The following DISP3 variants were observed in gnomAD, a reference collection of about 807,000 sequenced individuals.
DISP3 encodes the protein protein dispatched homolog 3.
In DISP3, 101 loss-of-function variants were observed where a neutral mutation model predicts 135.3. That is an observed-to-expected ratio of 0.75 (90% CI 0.64 to 0.88). The LOEUF is 0.88. DISP3 is among the 40% of genes least tolerant of loss of function. The pLI, the probability that DISP3 is intolerant of heterozygous loss-of-function variation, is 0.00. For synonymous variants in DISP3, 856 were observed against 817.0 expected (o/e 1.05, Z -0.81); for missense variants, 1,713 against 1,878.6 (o/e 0.91, Z 1.63).
chr1:11,487,231 G>C (rs538325817), intron 1 of DISP3, among the ~76,000 whole-genome samples: 1 of 152,286 alleles, frequency 6.6e-6, no homozygotes, highest in East Asian at 1.9e-4. Flanking sequence ...AAGCCACCCT[G>C]GTCGGCAGCA....
At chr1:11,535,185 C>G in intron 19 of DISP3, 61 bp downstream of exon 19, 2 of 1,479,448 alleles carry the variant, frequency 1.4e-6, no homozygotes, top group Non-Finnish European at 1.8e-6. Flanking sequence ...ACAGTCTCCC[C>G]GGTGGCCCCA....
chr1:11,513,909 T>G (rs1423368538), intron 3 of DISP3, among the ~76,000 whole-genome samples: 1 of 151,892 alleles, frequency 6.6e-6, no homozygotes, highest in Non-Finnish European at 1.5e-5. Flanking sequence ...ATGTCACTTA[T>G]GTTTGTATTT....
In DISP3 at chr1:11,536,307, T is replaced by A; in HGVS notation, c.3817-17T>A. The A allele has an allele frequency of 1.3e-6, 2 of 1,589,432 alleles. No individual in the cohort carries two copies. Among genetic ancestry groups the A allele is most frequent in the Non-Finnish European group, 1.7e-6 (2 of 1,173,916 alleles). The stretch of plus-strand genomic sequence containing the variant: ...CCCGCAGGCAGGCTGGGCTCCCAGC[T>A]CTCCTCTTGCCCCCAGGACGCCCGA... On this transcript the variant is annotated splice_polypyrimidine_tract_variant and intron_variant, in intron 20 of 20. Coordinates refer to ENST00000294484, the MANE Select transcript of DISP3 (RefSeq NM_020780.2). This position sits in a 1 kb window ranked among gnomAD's most constrained non-coding sequence, Gnocchi z 4.3.
In DISP3 at chr1:11,519,286, G is replaced by T. The variant is rs572829253; in HGVS notation, c.1890-69G>T. 2.0e-6 allele frequency: 3 copies of T among 1,527,668 alleles called. No homozygotes were observed. Among genetic ancestry groups the T allele is most frequent in the Non-Finnish European group, 1.8e-6 (2 of 1,115,276 alleles). 94.6% of individuals were successfully genotyped at this position (1,527,668 alleles called of 1,614,324 possible). A position where few individuals can be genotyped will look rare whatever the true frequency, so the allele number is the denominator to read the frequency against. On this transcript the variant is annotated intron_variant, in intron 7 of 20. Transcript: ENST00000294484. This position sits in a 1 kb window ranked among gnomAD's most constrained non-coding sequence, Gnocchi z 4.3. ...ATACCTGGGTTCATCTGATCCTCAGGGCCCTGCCCCACCCTCCCTGGGTAC... is the reference window on the plus strand; with the variant it reads ...ATACCTGGGTTCATCTGATCCTCAGTGCCCTGCCCCACCCTCCCTGGGTAC...
intron 13 of DISP3, 23 bp downstream of exon 13, chr1:11,526,858 C>T: frequency 6.3e-7 from 1 of 1,588,084 alleles, no homozygotes; most frequent in Non-Finnish European, 8.5e-7. Flanking sequence ...GGCAGACAAG[C>T]CGGTGCCCAT....
chr1:11,502,366 G>T (rs1302663171), intron 2 of DISP3, among the ~76,000 whole-genome samples: 1 of 152,236 alleles, frequency 6.6e-6, no homozygotes, highest in Non-Finnish European at 1.5e-5. Flanking sequence ...TGGGCCTCGG[G>T]TGTGAGGCTG....
At chr1:11,488,795 A>G (rs764676435) in intron 1 of DISP3, among the ~76,000 whole-genome samples, 1 of 152,208 alleles carries the variant, frequency 6.6e-6, no homozygotes, top group Non-Finnish European at 1.5e-5. Flanking sequence ...AAGGGTACTG[A>G]GCTCATCAGA....
chr1:11,515,524 T>C, intron 5 of DISP3, 21 bp downstream of exon 5: 10 of 1,579,602 alleles, frequency 6.3e-6, no homozygotes, highest in Non-Finnish European at 8.6e-6. Context: ...TCTGTTGTCA[T>C]GGCAGTGCGC....
intron 1 of DISP3, among the ~76,000 whole-genome samples, chr1:11,492,659 C>A (rs1641221596): frequency 6.6e-6 from 1 of 152,112 alleles, no homozygotes; most frequent in African/African-American, 2.4e-5. Context: ...ATTGAGCCAA[C>A]AAAGATCGTG....
rs1171294079 is a variant in DISP3 at position 11,491,031 on chromosome 1, CT to C, written c.-3-9958del. ...ATCTGGGTGTGCTGTTTGTATCCCC[CT>C]GTCTGGCTGGCCCAAATGCCATCAT... On this transcript the variant is annotated intron_variant, in intron 1 of 20. Coordinates refer to ENST00000294484, the MANE Select transcript of DISP3 (RefSeq NM_020780.2). This position sits in a 1 kb window ranked among gnomAD's most constrained non-coding sequence, Gnocchi z 4.3. 2.0e-5 allele frequency among the ~76,000 whole-genome samples: 3 copies of C among 152,190 alleles called. No individual in the cohort carries two copies. Among genetic ancestry groups the C allele is most frequent in the African/African-American group, 7.2e-5 (3 of 41,446 alleles).
intron 3 of DISP3, among the ~76,000 whole-genome samples, chr1:11,508,820 A>G (rs190395384): frequency 6.6e-6 from 1 of 152,118 alleles, no homozygotes; most frequent in African/African-American, 2.4e-5. Flanking sequence ...AAAATGTACA[A>G]TTAACTTATT....
At chr1:11,533,664 A>C (rs1642629399) in intron 17 of DISP3, 5 of 656,778 alleles carry the variant, frequency 7.6e-6, no homozygotes, top group African/African-American at 1.8e-5. Flanking sequence ...GGAGGAGAGA[A>C]GTCCCCACTC....
In DISP3 at chr1:11,526,874, C is replaced by T. The variant is rs370747691; in HGVS notation, c.2798+39C>T. ...GCAGACAAGCCGGTGCCCATCAGCC[C>T]GGCTGCTTCTTTGCCCTTTTCTCTC... On this transcript the variant is annotated intron_variant, in intron 13 of 20. Coordinates refer to ENST00000294484, the MANE Select transcript of DISP3 (RefSeq NM_020780.2). 284 of 1,576,150 alleles carry T rather than the reference C, an allele frequency of 1.8e-4. 3 individuals are homozygous for T. The highest frequency in any genetic ancestry group is 1.4e-3 in the South Asian group (127 of 90,108).
intron 3 of DISP3, among the ~76,000 whole-genome samples, chr1:11,513,949 T>G (rs141185793): frequency 5.4e-4 from 2 of 3,686 alleles, no homozygotes; most frequent in Non-Finnish European, 1.6e-3. Context: ...CCTGGTTATG[T>G]TTTTTTTTTT....
rs749106375 is a variant in DISP3 at position 11,531,532 on chromosome 1, AC to A, written c.3230-31del. 5.2e-5 allele frequency: 84 copies of A among 1,612,846 alleles called. No individual in the cohort carries two copies. Among genetic ancestry groups the A allele is most frequent in the Non-Finnish European group, 6.9e-5 (81 of 1,179,852 alleles). On this transcript the variant is annotated intron_variant, in intron 16 of 20. Transcript: ENST00000294484. This position sits in a 1 kb window ranked among gnomAD's most constrained non-coding sequence, Gnocchi z 5.2. ...CAGGGGGACAGGCTCTTCCAGGGCC[AC>A]CACGCACTCCCTTTCTTGCCTCTCC...
intron 13 of DISP3, among the ~76,000 whole-genome samples, chr1:11,528,101 A>C (rs1642475305): frequency 6.6e-6 from 1 of 152,218 alleles, no homozygotes; most frequent in Non-Finnish European, 1.5e-5. Flanking sequence ...AGTACACTCC[A>C]CACTTCCTTG....
chr1:11,525,435 C>T (rs1046035999), intron 12 of DISP3, 123 bp downstream of exon 12: 3 of 1,238,276 alleles, frequency 2.4e-6, no homozygotes, highest in East Asian at 2.7e-5. Context: ...ATGAAGACCC[C>T]CCTCCCCTAA....
In DISP3 at chr1:11,519,479, T is replaced by A. The variant is rs1299676076; in HGVS notation, c.2014T>A (p.Leu672Met). The A allele has an allele frequency of 3.1e-6, 5 of 1,613,506 alleles. No homozygotes were observed. Among genetic ancestry groups the A allele is most frequent in the Non-Finnish European group, 4.2e-6 (5 of 1,180,004 alleles). Reference sequence around the variant, plus strand: ...ACCCTACCTGGATGATGACATCCCCTTGCTGGAGGTCGAGGAAGAGCCAGG... The same window carrying A: ...ACCCTACCTGGATGATGACATCCCCATGCTGGAGGTCGAGGAAGAGCCAGG... Reference protein sequence around the residue: ...PIPYLDDDIPLLEVEEEPVSL... With the variant: ...PIPYLDDDIPMLEVEEEPVSL... Residue 672 changes from leucine to methionine, a missense_variant, in exon 8 of 21, where the codon TTG becomes ATG. Physicochemically the swap from Leu to Met is conservative, Grantham distance 15 (BLOSUM62 2). Transcript: ENST00000294484. This position sits in a 1 kb window ranked among gnomAD's most constrained non-coding sequence, Gnocchi z 4.3.
chr1:11,525,336 G>A (rs569786060), intron 12 of DISP3, 24 bp downstream of exon 12: 1 of 1,603,318 alleles, frequency 6.2e-7, no homozygotes, highest in Non-Finnish European at 8.5e-7. Flanking sequence ...GTCGTGAAGT[G>A]AGCCGCCACC....
Sources: gnomAD v4.1 joint callset for allele counts (sites outside exome capture counted in the v4.1 genomes callset) on GRCh38, gnomAD v4.1.1 for gene constraint, Gnocchi (gnomAD v3.1) non-coding constraint, MANE v1.5 for transcripts, NCBI Gene and HGNC (gene_info 2026-07-23, HGNC 2026-07-21) for gene names.